SUMF1: variants seen among roughly 807,000 people sequenced by gnomAD.
The protein encoded by SUMF1 is sulfatase modifying factor 1.
Under a neutral mutation model 47.6 loss-of-function variants are expected in SUMF1, and 48 were observed. The ratio of observed to expected loss-of-function variants is 1.01; its 90% confidence interval spans 0.80 to 1.28. The LOEUF (loss-of-function observed/expected upper bound fraction) is 1.28, where lower values mean the gene tolerates loss of function less well. Ranked by LOEUF, SUMF1 falls within the 50% of genes most tolerant of loss-of-function variation. SUMF1 has a pLI of 0.00. For synonymous variants in SUMF1, 230 were observed against 192.1 expected (o/e 1.20, Z -1.63); for missense variants, 571 against 485.4 (o/e 1.18, Z -1.66).
intron 8 of SUMF1, among the ~76,000 whole-genome samples, chr3:4,315,658 G>C (rs1698607514): frequency 6.6e-6 from 1 of 152,088 alleles, no homozygotes; most frequent in Non-Finnish European, 1.5e-5. Flanking sequence ...TGAGAATGTT[G>C]ACACTTCTTT....
intron 8 of SUMF1, among the ~76,000 whole-genome samples, chr3:4,123,671 G>A (rs1022664938): frequency 6.6e-6 from 1 of 152,080 alleles, no homozygotes; most frequent in Non-Finnish European, 1.5e-5. Flanking sequence ...CCTGACCTAG[G>A]AATTATGAGA....
intron 7 of SUMF1, among the ~76,000 whole-genome samples, chr3:4,395,327 AT>A (rs1023098161): frequency 5.3e-5 from 8 of 151,578 alleles, no homozygotes; most frequent in East Asian, 3.9e-4. Flanking sequence ...AATAATTTGT[AT>A]TTTTTTTTAC....
At chr3:4,253,601 A>G (rs11915325) in intron 8 of SUMF1, among the ~76,000 whole-genome samples, 3,262 of 151,162 alleles carry the variant, frequency 0.022, 93 homozygotes, top group African/African-American at 0.075. Context: ...CACCTGGCTC[A>G]GAGGGTCCTA....
intron 8 of SUMF1, among the ~76,000 whole-genome samples, chr3:4,319,028 C>T (rs995749488): frequency 3.9e-5 from 6 of 152,196 alleles, no homozygotes; most frequent in African/African-American, 1.4e-4. Flanking sequence ...CATCATTTGT[C>T]ATCAGGGAAT....
intron 8 of SUMF1, among the ~76,000 whole-genome samples, chr3:4,290,296 C>A (rs76448613): frequency 0.015 from 2,240 of 148,364 alleles, 22 homozygotes; most frequent in Non-Finnish European, 0.022. Context: ...TGAGTCTAAA[C>A]AAATCACAGC....
chr3:4,147,923 CT>C (rs1491441250), intron 8 of SUMF1, among the ~76,000 whole-genome samples: 1 of 152,056 alleles, frequency 6.6e-6, no homozygotes, highest in South Asian at 2.1e-4. Context: ...GCTAATGACC[CT>C]TTTTTTTCCA....
At position 4,227,263 on chromosome 3, in the gene SUMF1, T is replaced by C. The variant is rs370848610; in HGVS notation, c.1014+149067A>G. Among the ~76,000 whole-genome samples the C allele has an allele frequency of 9.9e-5, 15 of 152,242 alleles. No homozygotes were observed. The East Asian group carries it at 2.1e-3, about 22-fold the overall frequency. On this transcript the variant is annotated intron_variant and NMD_transcript_variant, in intron 8 of 12. Transcript: ENST00000448413. The stretch of plus-strand genomic sequence containing the variant: ...ATTCCACACATGATTACCAAGCTCC[T>C]ACTATGTGCCTGCAACAGGCACTGG...
At chr3:4,240,986 A>G (rs1275411074) in intron 8 of SUMF1, among the ~76,000 whole-genome samples, 1 of 152,098 alleles carries the variant, frequency 6.6e-6, no homozygotes, top group South Asian at 2.1e-4. Flanking sequence ...TCCTTTCCTA[A>G]TATTATGAAG....
At chr3:4,243,192 G>A (rs313645) in intron 8 of SUMF1, among the ~76,000 whole-genome samples, 25,224 of 152,006 alleles carry the variant, frequency 0.17, 2,407 homozygotes, top group South Asian at 0.38. Context: ...TATCTATTTT[G>A]TTGATCTTTT....
At chr3:4,046,029 G>T (rs1695000627) in intron 9 of SUMF1, among the ~76,000 whole-genome samples, 3 of 152,008 alleles carry the variant, frequency 2.0e-5, no homozygotes, top group Admixed American at 2.0e-4. Flanking sequence ...CCAACCTGGG[G>T]GACACAGCAA....
intron 8 of SUMF1, among the ~76,000 whole-genome samples, chr3:4,302,619 C>G (rs314439): frequency 0.91 from 138,929 of 152,202 alleles, 63,480 homozygotes; most frequent in East Asian, 1. Flanking sequence ...GCCTGAACCA[C>G]TTTCTCAGGT....
intron 3 of SUMF1, among the ~76,000 whole-genome samples, chr3:4,432,301 C>G (rs1307341879): frequency 6.6e-6 from 1 of 151,568 alleles, no homozygotes; most frequent in Non-Finnish European, 1.5e-5. Flanking sequence ...AATATCAGAT[C>G]ACTTCTTAGC....
At chr3:4,256,650 G>T (rs1696960401) in intron 8 of SUMF1, among the ~76,000 whole-genome samples, 2 of 151,822 alleles carry the variant, frequency 1.3e-5, no homozygotes, top group Non-Finnish European at 2.9e-5. Context: ...ATAGAGTCCA[G>T]GACCAGATGG....
At chr3:4,369,035 G>A (rs1162390573) in intron 8 of SUMF1, among the ~76,000 whole-genome samples, 1 of 121,468 alleles carries the variant, frequency 8.2e-6, no homozygotes, top group Non-Finnish European at 1.9e-5. Context: ...AAGATAAGTT[G>A]GCATGCAAAA....
chr3:4,438,764 G>C (rs1702483119), intron 3 of SUMF1, among the ~76,000 whole-genome samples: 1 of 152,074 alleles, frequency 6.6e-6, no homozygotes, highest in African/African-American at 2.4e-5. Context: ...GGAAAAATTA[G>C]TAAGGATATA....
intron 8 of SUMF1, among the ~76,000 whole-genome samples, chr3:4,265,850 T>C (rs908841727): frequency 1.3e-5 from 2 of 152,222 alleles, no homozygotes; most frequent in African/African-American, 4.8e-5. Context: ...TCCTAGGGTT[T>C]TTATGGTTTT....
intron 9 of SUMF1, among the ~76,000 whole-genome samples, chr3:4,067,214 C>G (rs1045474572): frequency 6.6e-6 from 1 of 152,154 alleles, no homozygotes; most frequent in East Asian, 1.9e-4. Flanking sequence ...AGAAGTACTT[C>G]CAATGGGTTA....
intron 8 of SUMF1, among the ~76,000 whole-genome samples, chr3:4,296,689 G>A (rs1410015487): frequency 6.6e-6 from 1 of 152,148 alleles, no homozygotes; most frequent in Non-Finnish European, 1.5e-5. Flanking sequence ...GATTACAGGA[G>A]CTACAATTCA....
In SUMF1 at chr3:4,460,482, C is replaced by A. The variant is rs951094955; in HGVS notation, c.270+6494G>T. The stretch of plus-strand genomic sequence containing the variant: ...ACTCTCTCTTGCCCTGTCTTTCACC[C>A]GCATTTCCATAAACCACTTTGTCTC... On this transcript the variant is annotated intron_variant, in intron 1 of 8. Coordinates refer to ENST00000272902, the MANE Select transcript of SUMF1 (RefSeq NM_182760.4). Among the ~76,000 whole-genome samples the A allele has an allele frequency of 2.0e-5, 3 of 151,808 alleles. 1 individual carries two copies. In the South Asian group the frequency reaches 6.2e-4, roughly 32 times the overall value.
Sources: allele counts gnomAD v4.1 joint callset (sites outside exome capture counted in the v4.1 genomes callset), GRCh38; gene constraint gnomAD v4.1.1; transcripts MANE v1.5; gene names NCBI Gene and HGNC (gene_info 2026-07-23, HGNC 2026-07-21).